NCAM2: variants seen among roughly 807,000 people sequenced by gnomAD.
NCAM2 encodes neural cell adhesion molecule 2, also known as N-CAM-2.
Under a neutral mutation model 98.1 loss-of-function variants are expected in NCAM2, and 30 were observed. The ratio of observed to expected loss-of-function variants is 0.31; its 90% confidence interval spans 0.23 to 0.41. NCAM2 has a LOEUF of 0.41. Ranked by LOEUF, NCAM2 falls within the 10% of genes least tolerant of loss-of-function variation. The pLI, the probability that NCAM2 is intolerant of heterozygous loss-of-function variation, is 1.00. For missense variants in NCAM2, 867 were observed against 1,005.8 expected, an observed-to-expected ratio of 0.86 and a Z score of 1.87; for synonymous variants, 368 against 342.4, an observed-to-expected ratio of 1.07 and a Z score of -0.83.
chr21:21,203,427 A>C (rs1188870058), intron 1 of NCAM2, among the ~76,000 whole-genome samples: 1 of 152,192 alleles, frequency 6.6e-6, no homozygotes, highest in Non-Finnish European at 1.5e-5. Flanking sequence ...GACTTTCCAC[A>C]CCTGGATTTA....
intron 5 of NCAM2, among the ~76,000 whole-genome samples, chr21:21,296,359 G>A (rs1321406011): frequency 6.6e-6 from 1 of 151,808 alleles, no homozygotes; most frequent in African/African-American, 2.4e-5. Flanking sequence ...TTATTTAGGA[G>A]AATAGGGCAA....
intron 1 of NCAM2, among the ~76,000 whole-genome samples, chr21:21,141,014 C>T (rs1233611680): frequency 6.6e-6 from 1 of 152,050 alleles, no homozygotes; most frequent in East Asian, 1.9e-4. Flanking sequence ...ATCTATGGTC[C>T]AGGAGGCAAA....
Position 21,157,372 on chromosome 21 carries a change from G to A in NCAM2, c.56-123206G>A, listed in dbSNP as rs1010932701. Among the ~76,000 whole-genome samples the A allele has an allele frequency of 4.6e-5, 7 of 152,076 alleles. 1 individual carries two copies. The highest frequency in any genetic ancestry group is 4.6e-4 in the Admixed American group (7 of 15,276). Reference sequence around the variant, plus strand: ...GGCGTTATAGTCTTAACTATATTTGGCACATGATATTATAGATTACAGTCA... The same window carrying A: ...GGCGTTATAGTCTTAACTATATTTGACACATGATATTATAGATTACAGTCA... On this transcript the variant is annotated intron_variant, in intron 1 of 17. Transcript: ENST00000400546.
chr21:21,232,739 C>G (rs1334716482), intron 1 of NCAM2, among the ~76,000 whole-genome samples: 1 of 151,556 alleles, frequency 6.6e-6, no homozygotes, highest in East Asian at 1.9e-4. Context: ...AAATTATTTT[C>G]TGGTGGAATC....
intron 1 of NCAM2, among the ~76,000 whole-genome samples, chr21:21,079,254 T>A (rs2065743530): frequency 1.3e-5 from 2 of 152,182 alleles, no homozygotes; most frequent in African/African-American, 4.8e-5. Context: ...ATGAACTTCT[T>A]ACTCTGAATT....
chr21:21,154,382 A>T (rs1643990880), intron 1 of NCAM2, among the ~76,000 whole-genome samples: 1 of 151,876 alleles, frequency 6.6e-6, no homozygotes, highest in South Asian at 2.1e-4. Flanking sequence ...TGGAATATGG[A>T]TAGCATAGTA....
chr21:21,479,086 A>G (rs892298607), intron 15 of NCAM2, among the ~76,000 whole-genome samples: 3 of 152,164 alleles, frequency 2.0e-5, no homozygotes, highest in Non-Finnish European at 4.4e-5. Context: ...AACAGTATAT[A>G]CTATAATCTC....
chr21:21,157,742 T>G (rs1219254835), intron 1 of NCAM2, among the ~76,000 whole-genome samples: 3 of 152,128 alleles, frequency 2.0e-5, no homozygotes, highest in African/African-American at 7.2e-5. Flanking sequence ...ACTACACAGT[T>G]TCTGCTTGAA....
At chr21:21,016,197 TC>T in intron 1 of NCAM2, among the ~76,000 whole-genome samples, 1 of 152,172 alleles carries the variant, frequency 6.6e-6, no homozygotes, top group Non-Finnish European at 1.5e-5. Context: ...GATGGGAAGA[TC>T]TGCCTCCCTC....
rs375399828 is a variant in NCAM2, at chr21:21,215,271, A to AT, written c.56-65303dup. Among the ~76,000 whole-genome samples the AT allele has an allele frequency of 1.0e-3, 153 of 152,312 alleles. No homozygotes were observed. The East Asian group carries it at 0.024, about 24-fold the overall frequency. The stretch of plus-strand genomic sequence containing the variant: ...CATCAGAACCTTTCAGAATACAATG[A>AT]TTTTGGCAATGCTGTATGGAACACA... On this transcript the variant is annotated intron_variant, in intron 1 of 17. Coordinates refer to ENST00000400546, the MANE Select transcript of NCAM2 (RefSeq NM_004540.5).
intron 16 of NCAM2, among the ~76,000 whole-genome samples, chr21:21,522,577 A>G (rs1015278227): frequency 2.0e-5 from 3 of 151,190 alleles, no homozygotes; most frequent in African/African-American, 7.3e-5. Context: ...TTTTTTGCCA[A>G]TAGATCTGAC....
rs140320562 is a variant in NCAM2 at position 21,529,391 on chromosome 21, T to G, written c.2283-5146T>G. ...GGGATGTGTTTTATTTGGATTATTT[T>G]TGCATATCCTTCCATTGCATTTAAG... is the stretch of plus-strand genomic sequence containing the variant. On this transcript the variant is annotated intron_variant, in intron 16 of 17. Transcript: ENST00000400546. 1.5e-3 allele frequency among the ~76,000 whole-genome samples: 222 copies of G among 152,270 alleles called. 4 individuals are homozygous for G. In the East Asian group the frequency reaches 0.041, roughly 28 times the overall value.
intron 1 of NCAM2, among the ~76,000 whole-genome samples, chr21:21,027,306 A>C (rs181195057): frequency 1.4e-3 from 209 of 152,240 alleles, no homozygotes; most frequent in African/African-American, 4.8e-3. Flanking sequence ...ATTTATTTTA[A>C]AACATCTTTG....
intron 1 of NCAM2, among the ~76,000 whole-genome samples, chr21:21,153,720 C>G (rs550079771): frequency 2.5e-4 from 38 of 151,754 alleles, no homozygotes; most frequent in Non-Finnish European, 4.6e-4. Flanking sequence ...TTGAATATAA[C>G]TTGGGTCAAA....
chr21:21,015,542 T>C (rs2064289954), intron 1 of NCAM2, among the ~76,000 whole-genome samples: 1 of 152,226 alleles, frequency 6.6e-6, no homozygotes, highest in African/African-American at 2.4e-5. Context: ...CATCATTCTG[T>C]TGCACACTTA....
rs1483062198 is a variant in NCAM2 at position 21,331,517 on chromosome 21, C to CTCTCTCTCTATATA, written c.738-3987_738-3986insCTCTCTCTATATAT. Among the ~76,000 whole-genome samples the CTCTCTCTCTATATA allele has an allele frequency of 4.3e-4, 3 of 6,936 alleles. 1 individual carries two copies. The East Asian group carries it at 6.8e-3, about 16-fold the overall frequency. The allele number at this position is 6,936 out of a possible 152,430, so 4.6% of individuals were successfully genotyped here. The stretch of plus-strand genomic sequence containing the variant: ...TATATATACTCTATACTCTCTCTCT[C>CTCTCTCTCTATATA]TATATATATATATATATACTCTATA... On this transcript the variant is annotated intron_variant, in intron 6 of 17. Transcript: ENST00000400546.
intron 6 of NCAM2, among the ~76,000 whole-genome samples, chr21:21,331,855 G>C: frequency 6.7e-6 from 1 of 150,278 alleles, no homozygotes. Flanking sequence ...CCAAAGTGCT[G>C]GGATTGCAGG....
intron 1 of NCAM2, among the ~76,000 whole-genome samples, chr21:21,182,344 A>G (rs186146646): frequency 2.0e-5 from 3 of 152,188 alleles, no homozygotes; most frequent in African/African-American, 7.2e-5. Flanking sequence ...TGTAAGAGGC[A>G]AACATCTCTA....
At chr21:21,525,375 G>A (rs9982051) in intron 16 of NCAM2, among the ~76,000 whole-genome samples, 39,928 of 151,896 alleles carry the variant, frequency 0.26, 5,534 homozygotes, top group Admixed American at 0.33. Context: ...GGATAATAAA[G>A]TAATACCATG....
Sources: gnomAD v4.1 joint callset for allele counts (sites outside exome capture counted in the v4.1 genomes callset) on GRCh38, gnomAD v4.1.1 for gene constraint, MANE v1.5 for transcripts, NCBI Gene and HGNC (gene_info 2026-07-23, HGNC 2026-07-21) for gene names.